GNAL: variants seen among roughly 807,000 people sequenced by gnomAD.
GNAL encodes the protein guanine nucleotide-binding protein G(olf) subunit alpha.
Under a neutral mutation model 55.1 loss-of-function variants are expected in GNAL, and 18 were observed. That is an observed-to-expected ratio of 0.33 (90% CI 0.23 to 0.48). The LOEUF (loss-of-function observed/expected upper bound fraction) is 0.48. Among genes scored for constraint, GNAL ranks in the 20% least tolerant of loss-of-function variants. The pLI is 0.99. For synonymous variants in GNAL, 253 were observed against 237.0 expected (o/e 1.07, Z -0.62); for missense variants, 412 against 614.1 (o/e 0.67, Z 3.48).
intron 5 of GNAL, among the ~76,000 whole-genome samples, chr18:11,838,201 C>A (rs528144243): frequency 6.6e-6 from 1 of 152,078 alleles, no homozygotes; most frequent in Admixed American, 6.6e-5. Context: ...CGCATCCACA[C>A]GATAGAATGT....
intron 5 of GNAL, among the ~76,000 whole-genome samples, chr18:11,835,066 A>G (rs2035470556): frequency 6.6e-6 from 1 of 152,238 alleles, no homozygotes. Flanking sequence ...AAATATGTGC[A>G]TAATATTTTT....
At chr18:11,704,368 T>G (rs2031654989) in intron 1 of GNAL, among the ~76,000 whole-genome samples, 1 of 152,248 alleles carries the variant, frequency 6.6e-6, no homozygotes, top group African/African-American at 2.4e-5. Flanking sequence ...GGCCTTCCAC[T>G]GAACCCTTTG....
At chr18:11,720,663 A>C (rs1428967774) in intron 1 of GNAL, among the ~76,000 whole-genome samples, 1 of 152,324 alleles carries the variant, frequency 6.6e-6, no homozygotes, top group African/African-American at 2.4e-5. Context: ...ACCACTTCCA[A>C]TTGAAGTTGA....
intron 4 of GNAL, among the ~76,000 whole-genome samples, chr18:11,808,695 A>G (rs1054099239): frequency 6.6e-6 from 1 of 152,244 alleles, no homozygotes; most frequent in African/African-American, 2.4e-5. Flanking sequence ...TAAAACTTGC[A>G]CACGAATGTT....
chr18:11,741,640 GATGA>G (rs113647516), intron 1 of GNAL, among the ~76,000 whole-genome samples: 2 of 152,170 alleles, frequency 1.3e-5, no homozygotes, highest in African/African-American at 4.8e-5. Context: ...AATGCTTTAT[GATGA>G]ATGAATGAAT....
intron 4 of GNAL, among the ~76,000 whole-genome samples, chr18:11,766,371 TTTTAA>T (rs2033406539): frequency 6.6e-6 from 1 of 152,240 alleles, no homozygotes. Flanking sequence ...GCAATTCCAT[TTTTAA>T]TTTGTGTTTG....
chr18:11,772,598 TC>T (rs1327448000), intron 4 of GNAL, among the ~76,000 whole-genome samples: 4 of 152,174 alleles, frequency 2.6e-5, no homozygotes, highest in Admixed American at 2.6e-4. Flanking sequence ...ATCCAAGACT[TC>T]CTCTACAGAT....
At chr18:11,740,590 T>A (rs2032556022) in intron 1 of GNAL, among the ~76,000 whole-genome samples, 2 of 152,220 alleles carry the variant, frequency 1.3e-5, no homozygotes, top group South Asian at 4.1e-4. Context: ...ATTCTTGCAA[T>A]TCCAGTCCAT....
rs754803621 is a variant in GNAL at position 11,881,422 on chromosome 18, T to TATTG, written c.*291_*294dup. Reference sequence around the variant, plus strand: ...GGAGCCCCATTATTCATTCTCCCTTTATTGATTCATCGAGGAGAACTTGGT... The same window carrying TATTG: ...GGAGCCCCATTATTCATTCTCCCTTTATTGATTGATTCATCGAGGAGAACTTGGT... On this transcript the variant is annotated 3_prime_UTR_variant, in exon 12 of 12. Coordinates refer to ENST00000334049, the MANE Select transcript of GNAL (RefSeq NM_182978.4). The surrounding 1 kb of genome is among the most constrained non-coding windows in gnomAD (Gnocchi z 4.8). The TATTG allele has an allele frequency of 2.0e-4, 64 of 321,238 alleles. No individual in the cohort carries two copies. Among genetic ancestry groups the TATTG allele is most frequent in the Non-Finnish European group, 2.8e-4 (48 of 171,046 alleles). 19.9% of individuals were successfully genotyped at this position (321,238 alleles called of 1,614,324 possible).
In GNAL at chr18:11,752,229, T is replaced by C. The variant is rs2032868564; in HGVS notation, c.377-624T>C. On this transcript the variant is annotated intron_variant, in intron 1 of 11. Coordinates refer to ENST00000334049, the MANE Select transcript of GNAL (RefSeq NM_182978.4). The surrounding 1 kb of genome is among the most constrained non-coding windows in gnomAD (Gnocchi z 4.5). ...GGCATTTTACTCCGCGCGTCTTCCTTACAGCCATTTAGTTGGGAGTTTGCG... is the reference window on the plus strand; with the variant it reads ...GGCATTTTACTCCGCGCGTCTTCCTCACAGCCATTTAGTTGGGAGTTTGCG... 9.5e-7 allele frequency: 1 copy of C among 1,049,168 alleles called. No individual in the cohort carries two copies. Among genetic ancestry groups the C allele is most frequent in the Non-Finnish European group, 1.3e-6 (1 of 780,378 alleles). The allele number at this position is 1,049,168 out of a possible 1,614,324, so 65.0% of individuals were successfully genotyped here.
In GNAL at chr18:11,864,729, C is replaced by A. The variant is rs148316444; in HGVS notation, c.851+123C>A. ...TGGCAGCCCTTTCAGGTAAGAGCAG[C>A]TGGGGTGAAATTTGAACTCTAGCAA... is the stretch of plus-strand genomic sequence containing the variant. On this transcript the variant is annotated intron_variant, in intron 7 of 11. Transcript: ENST00000334049. The A allele has an allele frequency of 1.6e-4, 111 of 683,398 alleles. No homozygotes were observed. The East Asian group carries it at 2.7e-3, about 17-fold the overall frequency. The allele number at this position is 683,398 out of a possible 1,614,324, so 42.3% of individuals were successfully genotyped here. A position where few individuals can be genotyped will look rare whatever the true frequency, so the allele number is the denominator to read the frequency against.
chr18:11,838,790 A>G (rs2035551111), intron 5 of GNAL, among the ~76,000 whole-genome samples: 1 of 152,218 alleles, frequency 6.6e-6, no homozygotes, highest in Non-Finnish European at 1.5e-5. Context: ...AATCAGTTTA[A>G]GAGAGAAAGG....
intron 1 of GNAL, among the ~76,000 whole-genome samples, chr18:11,745,058 A>G (rs1454309094): frequency 6.6e-6 from 1 of 152,220 alleles, no homozygotes; most frequent in African/African-American, 2.4e-5. Context: ...TGCAGTTTTC[A>G]TCTTTAATAA....
chr18:11,761,098 C>T (rs2033226556), intron 4 of GNAL, among the ~76,000 whole-genome samples: 1 of 151,806 alleles, frequency 6.6e-6, no homozygotes. Flanking sequence ...GGCCCCACCT[C>T]AGTCCACACG....
At chr18:11,759,868 G>A (rs575838726) in intron 4 of GNAL, among the ~76,000 whole-genome samples, 1 of 152,286 alleles carries the variant, frequency 6.6e-6, no homozygotes, top group East Asian at 1.9e-4. Flanking sequence ...CTGCTAGAAG[G>A]CTTTGTGCTG....
chr18:11,837,099 A>G (rs1284783334), intron 5 of GNAL, among the ~76,000 whole-genome samples: 1 of 152,122 alleles, frequency 6.6e-6, no homozygotes, highest in Non-Finnish European at 1.5e-5. Flanking sequence ...GATTACAGGC[A>G]CATGCCACCA....
intron 4 of GNAL, among the ~76,000 whole-genome samples, chr18:11,768,008 C>T (rs528521388): frequency 1.3e-4 from 20 of 152,330 alleles, no homozygotes; most frequent in Admixed American, 4.6e-4. Context: ...CTCCAATTAA[C>T]AAGGCTAGAC....
chr18:11,824,497 G>A (rs2035188376), intron 4 of GNAL, among the ~76,000 whole-genome samples: 1 of 151,940 alleles, frequency 6.6e-6, no homozygotes, highest in South Asian at 2.1e-4. Flanking sequence ...AGACCAGCCT[G>A]GTCAACATGG....
chr18:11,731,684 A>G (rs2032343756), intron 1 of GNAL, among the ~76,000 whole-genome samples: 1 of 152,172 alleles, frequency 6.6e-6, no homozygotes. Context: ...ATGAATTCAC[A>G]CCTCTTAAAA....
Sources: gnomAD v4.1 joint callset for allele counts (sites outside exome capture counted in the v4.1 genomes callset) on GRCh38, gnomAD v4.1.1 for gene constraint, Gnocchi (gnomAD v3.1) non-coding constraint, MANE v1.5 for transcripts, NCBI Gene and HGNC (gene_info 2026-07-23, HGNC 2026-07-21) for gene names.